The following CNKSR2 variants were observed in gnomAD, a reference collection of about 807,000 sequenced individuals.
The protein encoded by CNKSR2 is connector enhancer of kinase suppressor of Ras 2, also known as CNK homolog protein 2.
In CNKSR2, 14 loss-of-function variants were observed where a neutral mutation model predicts 84.4. That is an observed-to-expected ratio of 0.17 (90% CI 0.11 to 0.26). CNKSR2 has a LOEUF of 0.26. Ranked by LOEUF, CNKSR2 falls within the 10% of genes least tolerant of loss-of-function variation. The pLI, the probability that CNKSR2 is intolerant of heterozygous loss-of-function variation, is 1.00. For synonymous variants in CNKSR2, 275 were observed against 277.9 expected, an observed-to-expected ratio of 0.99 and a Z score of 0.10; for missense variants, 485 against 771.2, an observed-to-expected ratio of 0.63 and a Z score of 4.40.
chrX:21,459,374 T>C (rs1360189478), intron 4 of CNKSR2, among the ~76,000 whole-genome samples: 2 of 112,076 alleles, frequency 1.8e-5, no homozygotes, highest in Non-Finnish European at 3.8e-5. Context: ...TTGATAAATT[T>C]GCCACATTTG....
chrX:21,542,457 A>G (rs897053479), intron 11 of CNKSR2, among the ~76,000 whole-genome samples: 7 of 112,200 alleles, frequency 6.2e-5, no homozygotes, highest in Non-Finnish European at 1.1e-4. Flanking sequence ...CATTATTATC[A>G]TTATTACATA....
chrX:21,628,015 T>C (rs751186368), intron 20 of CNKSR2, among the ~76,000 whole-genome samples: 4 of 111,581 alleles, frequency 3.6e-5, no homozygotes, highest in African/African-American at 1.3e-4. Flanking sequence ...GCAAGTTAGT[T>C]ACCTCCTAGA....
intron 1 of CNKSR2, among the ~76,000 whole-genome samples, chrX:21,422,744 A>G (rs2090514784): frequency 9.0e-6 from 1 of 111,459 alleles, no homozygotes; most frequent in African/African-American, 3.3e-5. Context: ...TAGTGTCAAA[A>G]ATGGATGGGC....
At chrX:21,649,563 C>T (rs770643477) in intron 21 of CNKSR2, among the ~76,000 whole-genome samples, 1 of 112,319 alleles carries the variant, frequency 8.9e-6, no homozygotes. Context: ...TATTACCCTC[C>T]TATTATACAT....
chrX:21,563,976 A>T (rs2092216147), intron 13 of CNKSR2, among the ~76,000 whole-genome samples: 1 of 110,922 alleles, frequency 9.0e-6, no homozygotes, highest in African/African-American at 3.3e-5. Flanking sequence ...TAGGAGAAAT[A>T]GAGCCTTAGT....
At chrX:21,389,710 A>G (rs1401008060) in intron 1 of CNKSR2, among the ~76,000 whole-genome samples, 1 of 112,322 alleles carries the variant, frequency 8.9e-6, no homozygotes, top group Admixed American at 9.4e-5. Context: ...CATAATTCTC[A>G]AAATGCTCCC....
At chrX:21,401,084 T>C (rs1204744143) in intron 1 of CNKSR2, among the ~76,000 whole-genome samples, 1 of 111,426 alleles carries the variant, frequency 9.0e-6, no homozygotes, top group Non-Finnish European at 1.9e-5. Flanking sequence ...GGCCAAGATA[T>C]ATCTTTGCTG....
At chrX:21,594,925 C>T (rs373359427) in intron 15 of CNKSR2, 49 bp from the exon 16 acceptor site, 1 of 957,929 alleles carries the variant, frequency 1.0e-6, no homozygotes. Context: ...GTATCATTAC[C>T]TTCACACCTT....
chrX:21,386,233 C>G (rs961118273), intron 1 of CNKSR2, among the ~76,000 whole-genome samples: 2 of 111,213 alleles, frequency 1.8e-5, no homozygotes, highest in African/African-American at 6.5e-5. Flanking sequence ...TTTCTTTGAA[C>G]AGCAGACATT....
intron 20 of CNKSR2, among the ~76,000 whole-genome samples, chrX:21,648,395 C>T (rs759383206): frequency 9.0e-6 from 1 of 111,631 alleles, no homozygotes; most frequent in East Asian, 2.8e-4. Context: ...TATTAATCAG[C>T]ATTTCTATGC....
rs2089993517 is a variant in CNKSR2 at position 21,387,934 on chromosome X, C to G, written c.64+12973C>G. On this transcript the variant is annotated intron_variant, in intron 1 of 21. Transcript: ENST00000379510. The stretch of plus-strand genomic sequence containing the variant: ...TTTTTGTTTGAGATGGAGTCTCGCT[C>G]TGTCGCCCAGGCTGAAGTGCAGTGG... Among the ~76,000 whole-genome samples the G allele has an allele frequency of 2.7e-5, 3 of 110,854 alleles. No individual in the cohort carries two copies. In the South Asian group the frequency reaches 1.2e-3, roughly 43 times the overall value.
chrX:21,479,778 G>A (rs888641406), intron 5 of CNKSR2, among the ~76,000 whole-genome samples: 10 of 109,884 alleles, frequency 9.1e-5, no homozygotes, highest in Non-Finnish European at 1.9e-4. Context: ...GACAACCTTC[G>A]AGGATGTAGG....
In CNKSR2 at chrX:21,415,547, G is replaced by A. The variant is rs180795451; in HGVS notation, c.65-10950G>A. 5.6e-3 allele frequency among the ~76,000 whole-genome samples: 565 copies of A among 101,262 alleles called. 2 individuals carry two copies. Among genetic ancestry groups the A allele is most frequent in the African/African-American group, 0.017 (472 of 27,594 alleles). The allele number at this position is 101,262 out of a possible 115,157, so 87.9% of individuals were successfully genotyped here. ...TTCCCACCTATGAGTGAGAACATGCGGTGTTTGGTTTTTTGTCCTTGTGAT... is the reference window on the plus strand; with the variant it reads ...TTCCCACCTATGAGTGAGAACATGCAGTGTTTGGTTTTTTGTCCTTGTGAT... On this transcript the variant is annotated intron_variant, in intron 1 of 21. Transcript: ENST00000379510.
At chrX:21,607,537 C>G (rs143695258) in intron 19 of CNKSR2, among the ~76,000 whole-genome samples, 455 of 111,709 alleles carry the variant, frequency 4.1e-3, no homozygotes, top group Non-Finnish European at 7.0e-3. Flanking sequence ...GGCATGGTAG[C>G]TCACGCGTCT....
intron 9 of CNKSR2, among the ~76,000 whole-genome samples, chrX:21,524,107 G>A (rs916250325): frequency 1.8e-5 from 2 of 110,210 alleles, no homozygotes; most frequent in African/African-American, 6.5e-5. Flanking sequence ...TTGTTAAAAA[G>A]AGCACAGTTA....
chrX:21,561,602 C>G (rs1160237565), intron 12 of CNKSR2, 42 bp downstream of exon 12: 1 of 944,484 alleles, frequency 1.1e-6, no homozygotes, highest in Non-Finnish European at 1.5e-6. Flanking sequence ...GTTGTTTGAA[C>G]AATAAGCAAA....
In CNKSR2 at chrX:21,432,797, G is replaced by C. The variant is rs920722494; in HGVS notation, c.414G>C (p.Leu138=). 8.3e-7 allele frequency: 1 copy of C among 1,208,420 alleles called. No individual in the cohort carries two copies. The highest frequency in any genetic ancestry group is 2.3e-4 in the Middle Eastern group (1 of 4,341). Residue 138 remains leucine, a synonymous_variant, in exon 3 of 22, where the codon CTG becomes CTC. Coordinates refer to ENST00000379510, the MANE Select transcript of CNKSR2 (RefSeq NM_014927.5). Reference sequence around the variant, plus strand: ...ATCTGATTGGAGCAGCCAAGAGTCTGCTTGCCTGGTTGGACAGGTAAAGTC... The same window carrying C: ...ATCTGATTGGAGCAGCCAAGAGTCTCCTTGCCTGGTTGGACAGGTAAAGTC... The part of the protein sequence containing the change: ...VVDLIGAAKS[L]LAWLDRSPFA...
At chrX:21,444,174 A>C (rs2090821451) in intron 4 of CNKSR2, among the ~76,000 whole-genome samples, 1 of 111,687 alleles carries the variant, frequency 9.0e-6, no homozygotes. Context: ...AAATTTGTAA[A>C]TACTGTTTAG....
At chrX:21,487,934 C>T (rs1002761380) in intron 5 of CNKSR2, among the ~76,000 whole-genome samples, 1 of 112,543 alleles carries the variant, frequency 8.9e-6, no homozygotes, top group African/African-American at 3.2e-5. Flanking sequence ...GAGCATAAAA[C>T]CAAGTGTAGG....
Sources: gnomAD v4.1 joint callset for allele counts (sites outside exome capture counted in the v4.1 genomes callset) on GRCh38, gnomAD v4.1.1 for gene constraint, MANE v1.5 for transcripts, NCBI Gene and HGNC (gene_info 2026-07-23, HGNC 2026-07-21) for gene names.